Variants in NCKAP5 observed in about 807,000 individuals in gnomAD.
The protein encoded by NCKAP5 is NCK associated protein 5, also known as nck-associated protein 5.
NCKAP5 carries 92 observed loss-of-function variants against 167.0 expected under a neutral mutation model. The ratio of observed to expected loss-of-function variants is 0.55; its 90% CI spans 0.47 to 0.66. NCKAP5 has a LOEUF of 0.66. NCKAP5 is among the 30% of genes least tolerant of loss of function. The probability of loss-of-function intolerance (pLI) is 0.00; values close to 1 mark genes in which losing one functional copy is unlikely to be tolerated. For missense variants in NCKAP5, 2,378 were observed against 2,315.0 expected, an observed-to-expected ratio of 1.03 and a Z score of -0.56; for synonymous variants, 891 against 877.4, an observed-to-expected ratio of 1.02 and a Z score of -0.27.
intron 8 of NCKAP5, among the ~76,000 whole-genome samples, chr2:132,958,099 C>A (rs551439564): frequency 6.6e-6 from 1 of 152,278 alleles, no homozygotes; most frequent in African/African-American, 2.4e-5. Flanking sequence ...TTTCTGTGAA[C>A]CTCTAGGCAG....
intron 6 of NCKAP5, among the ~76,000 whole-genome samples, chr2:133,101,242 G>A (rs1258466793): frequency 1.4e-5 from 2 of 142,684 alleles, no homozygotes; most frequent in Non-Finnish European, 3.0e-5. Flanking sequence ...TGAGGGCTCT[G>A]TTCTGTTCCA....
At chr2:133,487,524 G>A (rs1210035267) in intron 3 of NCKAP5, among the ~76,000 whole-genome samples, 1 of 152,052 alleles carries the variant, frequency 6.6e-6, no homozygotes, top group Non-Finnish European at 1.5e-5. Flanking sequence ...GAGATTAAGC[G>A]GTCTCTAAAA....
chr2:133,302,865 GT>G (rs1330854213), intron 4 of NCKAP5, among the ~76,000 whole-genome samples, 171 bp downstream of exon 4: 129 of 152,168 alleles, frequency 8.5e-4, no homozygotes, highest in African/African-American at 3.0e-3. Flanking sequence ...TTGGGCTCTA[GT>G]TTTCACATTA....
chr2:133,002,595 A>G (rs752186982), intron 6 of NCKAP5, among the ~76,000 whole-genome samples: 1 of 152,202 alleles, frequency 6.6e-6, no homozygotes, highest in Non-Finnish European at 1.5e-5. Context: ...ATTCATGGAA[A>G]TATATGTCCT....
At chr2:133,558,897 G>C (rs2105006968) in intron 2 of NCKAP5, among the ~76,000 whole-genome samples, 153 bp downstream of exon 2, 1 of 152,050 alleles carries the variant, frequency 6.6e-6, no homozygotes, top group South Asian at 2.1e-4. Flanking sequence ...CTAAACCTGG[G>C]ACACACAGTG....
chr2:132,802,558 AT>A (rs1286054542), intron 11 of NCKAP5, among the ~76,000 whole-genome samples: 1 of 152,140 alleles, frequency 6.6e-6, no homozygotes, highest in African/African-American at 2.4e-5. Flanking sequence ...GTATCTTTTG[AT>A]ATTGCTCACT....
At chr2:133,027,874 A>G (rs2078750740) in intron 6 of NCKAP5, among the ~76,000 whole-genome samples, 1 of 152,300 alleles carries the variant, frequency 6.6e-6, no homozygotes, top group East Asian at 1.9e-4. Context: ...TTGAGTTTCT[A>G]CTTGCATGTT....
chr2:132,988,127 G>C (rs1164717464), intron 7 of NCKAP5, among the ~76,000 whole-genome samples: 1 of 152,072 alleles, frequency 6.6e-6, no homozygotes, highest in African/African-American at 2.4e-5. Context: ...CATTCTAAGA[G>C]CAAGAGGAAA....
chr2:132,815,748 T>A (rs894851293), intron 11 of NCKAP5, among the ~76,000 whole-genome samples: 1 of 152,212 alleles, frequency 6.6e-6, no homozygotes, highest in Non-Finnish European at 1.5e-5. Context: ...CATCAAGCTC[T>A]ACATTGGAGC....
intron 5 of NCKAP5, among the ~76,000 whole-genome samples, chr2:133,159,233 G>A (rs2083692871): frequency 6.6e-6 from 1 of 152,138 alleles, no homozygotes; most frequent in South Asian, 2.1e-4. Context: ...AGGCCTTTAG[G>A]AGCTGAGGTT....
chr2:132,862,773 A>C lies in NCKAP5; in HGVS notation c.688-2162T>G, dbSNP rs574924439. On this transcript the variant is annotated intron_variant, in intron 10 of 19. Transcript: ENST00000409261. ...TCAAAAAAACCCAGTCTCAAAAAAA[A>C]AAAAACCAAAAAAAAACAAAGGTGA... 9.7e-4 allele frequency among the ~76,000 whole-genome samples: 135 copies of C among 138,758 alleles called. No homozygotes were observed. The Middle Eastern group carries it at 0.01, about 11-fold the overall frequency. 91.0% of individuals were successfully genotyped at this position (138,758 alleles called of 152,430 possible).
intron 11 of NCKAP5, among the ~76,000 whole-genome samples, chr2:132,801,075 A>C (rs1457060054): frequency 1.3e-5 from 2 of 152,142 alleles, no homozygotes; most frequent in African/African-American, 4.8e-5. Flanking sequence ...TGCCTGGCCC[A>C]GGAATACCTC....
chr2:133,445,573 G>GT (rs1691142408), intron 3 of NCKAP5, among the ~76,000 whole-genome samples: 1 of 152,184 alleles, frequency 6.6e-6, no homozygotes, highest in Non-Finnish European at 1.5e-5. Context: ...CAGGAAATAA[G>GT]TATCTCTAAG....
intron 5 of NCKAP5, among the ~76,000 whole-genome samples, chr2:133,177,456 G>T (rs1040383547): frequency 2.6e-5 from 4 of 151,974 alleles, no homozygotes. Flanking sequence ...GTGCAACCCC[G>T]CACAGCTTCA....
chr2:133,486,654 C>A (rs1680933887), intron 3 of NCKAP5, among the ~76,000 whole-genome samples: 1 of 152,162 alleles, frequency 6.6e-6, no homozygotes, highest in African/African-American at 2.4e-5. Flanking sequence ...ATTAGATTAT[C>A]AGAAATTTTG....
At chr2:132,877,796 T>C (rs1691398305) in intron 9 of NCKAP5, among the ~76,000 whole-genome samples, 1 of 152,104 alleles carries the variant, frequency 6.6e-6, no homozygotes, top group Non-Finnish European at 1.5e-5. Flanking sequence ...GTAAGAAATA[T>C]GAAGAGGAGT....
chr2:132,998,074 T>A (rs574855019), intron 6 of NCKAP5, among the ~76,000 whole-genome samples: 1 of 152,362 alleles, frequency 6.6e-6, no homozygotes, highest in South Asian at 2.1e-4. Context: ...GCACAGAAGC[T>A]GGATGTCTTC....
intron 4 of NCKAP5, among the ~76,000 whole-genome samples, chr2:133,253,398 G>T (rs1310768764): frequency 2.0e-5 from 3 of 152,214 alleles, no homozygotes; most frequent in Non-Finnish European, 4.4e-5. Flanking sequence ...GGAAGAGGCA[G>T]TATATCCCAC....
chr2:132,904,330 T>C (rs1198197466), intron 8 of NCKAP5, among the ~76,000 whole-genome samples: 2 of 148,538 alleles, frequency 1.3e-5, no homozygotes, highest in Admixed American at 1.3e-4. Context: ...ATAAAAATAA[T>C]TAAATAAAAA....
Sources: gnomAD v4.1 joint callset for allele counts (sites outside exome capture counted in the v4.1 genomes callset) on GRCh38, gnomAD v4.1.1 for gene constraint, MANE v1.5 for transcripts, NCBI Gene and HGNC (gene_info 2026-07-23, HGNC 2026-07-21) for gene names.